The following EPM2A variants were observed in gnomAD, a reference collection of about 807,000 sequenced individuals.
The protein encoded by EPM2A is EPM2A glucan phosphatase, laforin, also known as laforin.
In EPM2A, 21 loss-of-function variants were observed where a neutral mutation model predicts 26.5. The observed-to-expected ratio is 0.79, with a 90% CI of 0.56 to 1.14. EPM2A has a LOEUF of 1.14. Ranked by LOEUF, EPM2A falls within the 50% of genes most tolerant of loss-of-function variation. EPM2A has a pLI of 0.00. For missense variants in EPM2A, 458 were observed against 440.8 expected (o/e 1.04, Z -0.35); for synonymous variants, 217 against 177.6 (o/e 1.22, Z -1.76).
downstream of EPM2A, among the ~76,000 whole-genome samples, chr6:145,624,114 A>T (rs1215076737): frequency 6.6e-6 from 1 of 151,934 alleles, no homozygotes; most frequent in African/African-American, 2.4e-5. Context: ...ATCTTCTATC[A>T]GTTTTCTTCT....
At chr6:145,662,380 A>C (rs1247068213) in intron 2 of EPM2A, among the ~76,000 whole-genome samples, 2 of 152,176 alleles carry the variant, frequency 1.3e-5, no homozygotes, top group Non-Finnish European at 2.9e-5. Flanking sequence ...ATTGATCATT[A>C]ATTTTAGCTT....
At chr6:145,587,408 G>A (rs575693792) in intron 2 of EPM2A, among the ~76,000 whole-genome samples, 2 of 152,294 alleles carry the variant, frequency 1.3e-5, no homozygotes, top group South Asian at 2.1e-4. Context: ...GAGGAAGAGT[G>A]ATTGCCTGAT....
At chr6:145,440,992 G>A (rs943130711) in intron 4 of EPM2A, among the ~76,000 whole-genome samples, 6 of 152,226 alleles carry the variant, frequency 3.9e-5, no homozygotes, top group Admixed American at 3.9e-4. Context: ...CCCCAGTAGG[G>A]ACTCTGTATG....
chr6:145,477,855 C>T (rs908489288), intron 4 of EPM2A, among the ~76,000 whole-genome samples: 3 of 151,796 alleles, frequency 2.0e-5, no homozygotes, highest in Non-Finnish European at 4.4e-5. Flanking sequence ...AAAGCCTTTC[C>T]TTTAAGATCT....
chr6:145,443,928 A>G (rs1339975249), intron 4 of EPM2A, among the ~76,000 whole-genome samples: 1 of 152,110 alleles, frequency 6.6e-6, no homozygotes, highest in Non-Finnish European at 1.5e-5. Flanking sequence ...TCCTTGCCTT[A>G]TGCCATGATT....
intron 2 of EPM2A, among the ~76,000 whole-genome samples, chr6:145,661,320 G>A (rs1357262962): frequency 6.6e-6 from 1 of 152,128 alleles, no homozygotes; most frequent in African/African-American, 2.4e-5. Context: ...AATCTTGAGT[G>A]TATATTTTTT....
At chr6:145,575,444 A>G (rs998210674) in intron 2 of EPM2A, among the ~76,000 whole-genome samples, 2 of 152,104 alleles carry the variant, frequency 1.3e-5, no homozygotes, top group African/African-American at 4.8e-5. Context: ...TTTTTCCGCA[A>G]TTTCAGCTCT....
At chr6:145,525,094 T>C (rs560829388) in intron 2 of EPM2A, among the ~76,000 whole-genome samples, 1 of 152,102 alleles carries the variant, frequency 6.6e-6, no homozygotes, top group South Asian at 2.1e-4. Context: ...TGCAGCTTTA[T>C]TTCTGGGTTC....
At chr6:145,482,289 T>C (rs1191287583) in intron 4 of EPM2A, among the ~76,000 whole-genome samples, 1 of 152,152 alleles carries the variant, frequency 6.6e-6, no homozygotes, top group East Asian at 1.9e-4. Flanking sequence ...CACTAAGGCT[T>C]AAAAGAAATT....
At chr6:145,545,071 T>G (rs1029455016) in intron 2 of EPM2A, among the ~76,000 whole-genome samples, 6 of 152,184 alleles carry the variant, frequency 3.9e-5, no homozygotes, top group Non-Finnish European at 8.8e-5. Context: ...AGCCTAAGTA[T>G]CTCTGAAGTC....
chr6:145,449,376 G>A (rs1322982740), intron 4 of EPM2A, among the ~76,000 whole-genome samples: 1 of 152,130 alleles, frequency 6.6e-6, no homozygotes, highest in Non-Finnish European at 1.5e-5. Flanking sequence ...CCCCTTCAAT[G>A]TAGTCTTATT....
At chr6:145,450,336 G>GT (rs1490459377) in intron 4 of EPM2A, among the ~76,000 whole-genome samples, 3 of 132,714 alleles carry the variant, frequency 2.3e-5, no homozygotes. Flanking sequence ...CTGGGAGACA[G>GT]TGAGACTCCG....
intron 4 of EPM2A, among the ~76,000 whole-genome samples, chr6:145,433,501 C>T (rs969059178): frequency 1.3e-5 from 2 of 152,076 alleles, no homozygotes; most frequent in African/African-American, 4.8e-5. Context: ...CTTCTTCCCA[C>T]CTTCTTATTA....
intron 3 of EPM2A, chr6:145,633,573 A>G (rs1221658282): frequency 1.3e-5 from 2 of 152,322 alleles, no homozygotes; most frequent in East Asian, 3.9e-4. Flanking sequence ...TCAGACACAG[A>G]TCAACAAAGG....
At chr6:145,502,826 A>T (rs1779911390) in intron 2 of EPM2A, among the ~76,000 whole-genome samples, 1 of 152,204 alleles carries the variant, frequency 6.6e-6, no homozygotes, top group Non-Finnish European at 1.5e-5. Context: ...AAGAAAATTA[A>T]TATTTTGGAA....
chr6:145,510,898 C>G (rs1780046148), intron 2 of EPM2A, among the ~76,000 whole-genome samples: 1 of 151,974 alleles, frequency 6.6e-6, no homozygotes, highest in Non-Finnish European at 1.5e-5. Flanking sequence ...CAACCAGAAA[C>G]AACAAAGGTG....
chr6:145,638,042 T>C (rs1264828324), intron 2 of EPM2A: 2 of 152,124 alleles, frequency 1.3e-5, no homozygotes, highest in Non-Finnish European at 2.9e-5. Context: ...GACAGTAATT[T>C]TTATTTGTTT....
chr6:145,588,915 G>A lies in EPM2A; in HGVS notation c.340+46330C>T, dbSNP rs141416652. Among the ~76,000 whole-genome samples the A allele has an allele frequency of 1.0e-3, 157 of 152,260 alleles. 3 individuals carry two copies. In the East Asian group the frequency reaches 0.025, roughly 24 times the overall value. Reference sequence around the variant, plus strand: ...TATAAGGAGTTTTTAACTAGTAGAAGGTAGAACTACTAAAAGTTATGGAAG... The same window carrying A: ...TATAAGGAGTTTTTAACTAGTAGAAAGTAGAACTACTAAAAGTTATGGAAG... On this transcript the variant is annotated intron_variant, in intron 2 of 3. Coordinates refer to the EPM2A transcript ENST00000450221.
chr6:145,509,861 C>T (rs1310771437), intron 2 of EPM2A, among the ~76,000 whole-genome samples: 1 of 152,076 alleles, frequency 6.6e-6, no homozygotes, highest in African/African-American at 2.4e-5. Flanking sequence ...TAATGAAACC[C>T]ATAGGCTCAA....
Sources: gnomAD v4.1 joint callset for allele counts (sites outside exome capture counted in the v4.1 genomes callset) on GRCh38, gnomAD v4.1.1 for gene constraint, MANE v1.5 for transcripts, NCBI Gene and HGNC (gene_info 2026-07-23, HGNC 2026-07-21) for gene names.